Variants in PRKG1 observed in about 807,000 individuals in gnomAD.
The protein encoded by PRKG1 is protein kinase cGMP-dependent 1.
In PRKG1, 35 loss-of-function variants were observed where a neutral mutation model predicts 88.1. That is an observed-to-expected ratio of 0.40 (90% confidence interval 0.30 to 0.53). PRKG1 has a LOEUF of 0.53. Ranked by LOEUF, PRKG1 falls within the 20% of genes least tolerant of loss-of-function variation. The pLI is 0.59. For synonymous variants in PRKG1, 303 were observed against 292.5 expected (o/e 1.04, Z -0.37); for missense variants, 540 against 839.8 (o/e 0.64, Z 4.41).
rs547635323 is a variant in PRKG1, at chr10:52,258,507, A to G, written c.1173+6841A>G. The stretch of plus-strand genomic sequence containing the variant: ...ACATGAGACATGATCCACATTTTAC[A>G]GGAAAGAAGACAAGAATAATGTATA... On this transcript the variant is annotated intron_variant, in intron 10 of 17. Coordinates refer to ENST00000373980, the MANE Select transcript of PRKG1 (RefSeq NM_006258.4). Among the ~76,000 whole-genome samples, 23 of 151,924 alleles carry G rather than the reference A, an allele frequency of 1.5e-4. 1 individual carries two copies. The highest frequency in any genetic ancestry group is 5.5e-4 in the African/African-American group (23 of 41,522).
chr10:51,756,436 G>A (rs1186333987), intron 3 of PRKG1, among the ~76,000 whole-genome samples: 2 of 150,902 alleles, frequency 1.3e-5, no homozygotes, highest in Admixed American at 1.3e-4. Context: ...ATGGTGAGAC[G>A]AGGTTGTGCC....
chr10:51,645,860 G>T (rs1839903122), intron 3 of PRKG1, among the ~76,000 whole-genome samples: 1 of 152,182 alleles, frequency 6.6e-6, no homozygotes, highest in African/African-American at 2.4e-5. Context: ...GTTGAATCTG[G>T]ATATCCACAA....
chr10:51,217,255 A>T (rs545479855), intron 2 of PRKG1, among the ~76,000 whole-genome samples: 2 of 152,182 alleles, frequency 1.3e-5, no homozygotes, highest in Non-Finnish European at 1.5e-5. Context: ...CTGAGTTTAC[A>T]TGAGAGAAGG....
intron 4 of PRKG1, among the ~76,000 whole-genome samples, chr10:51,898,539 TA>T (rs899903047): frequency 5.9e-5 from 9 of 151,728 alleles, no homozygotes; most frequent in South Asian, 4.2e-4. Flanking sequence ...TTTCCAATAT[TA>T]AAAAAAAATT....
intron 9 of PRKG1, among the ~76,000 whole-genome samples, chr10:52,226,398 T>C (rs1461362347): frequency 2.6e-5 from 4 of 152,172 alleles, no homozygotes; most frequent in Admixed American, 2.6e-4. Context: ...AATCATAGTT[T>C]GTCCCTCACA....
intron 4 of PRKG1, among the ~76,000 whole-genome samples, chr10:51,821,457 C>G (rs1221533347): frequency 1.3e-5 from 2 of 151,910 alleles, no homozygotes; most frequent in African/African-American, 4.8e-5. Context: ...CTAATTTATG[C>G]TCCTAAAAAA....
chr10:51,903,545 A>T (rs1423814210), intron 4 of PRKG1, among the ~76,000 whole-genome samples: 1 of 152,168 alleles, frequency 6.6e-6, no homozygotes, highest in Non-Finnish European at 1.5e-5. Context: ...ATGGATTGAG[A>T]GTAGATAAAC....
At chr10:52,270,628 C>T (rs1297388695) in intron 10 of PRKG1, among the ~76,000 whole-genome samples, 1 of 149,208 alleles carries the variant, frequency 6.7e-6, no homozygotes. Context: ...GGACCAAAAA[C>T]CAAACACCGC....
intron 5 of PRKG1, among the ~76,000 whole-genome samples, chr10:52,045,595 C>T (rs1845845324): frequency 6.6e-6 from 1 of 151,958 alleles, no homozygotes. Context: ...TATTTGTGCC[C>T]AGCTGTTTGT....
At position 51,638,024 on chromosome 10, in the gene PRKG1, C is replaced by T. The variant is rs190987439; in HGVS notation, c.593-166561C>T. Among the ~76,000 whole-genome samples, 210 of 152,240 alleles carry T rather than the reference C, an allele frequency of 1.4e-3. 1 individual carries two copies. Among genetic ancestry groups the T allele is most frequent in the Middle Eastern group, 6.8e-3 (2 of 294 alleles). On this transcript the variant is annotated intron_variant, in intron 3 of 17. Coordinates refer to ENST00000373980, the MANE Select transcript of PRKG1 (RefSeq NM_006258.4). ...CAGTTGAGTGAGAAAGGAAACAAGA[C>T]GAGAGATCCCCAATTTGCCTAGATA...
At chr10:51,075,671 T>A (rs1319881117) in intron 1 of PRKG1, among the ~76,000 whole-genome samples, 1 of 152,250 alleles carries the variant, frequency 6.6e-6, no homozygotes, top group Non-Finnish European at 1.5e-5. Flanking sequence ...AGCACACTTA[T>A]CTTATTTAAA....
At chr10:51,669,104 A>G (rs1168713558) in intron 3 of PRKG1, among the ~76,000 whole-genome samples, 1 of 152,212 alleles carries the variant, frequency 6.6e-6, no homozygotes, top group East Asian at 1.9e-4. Context: ...CCTGCTGCCA[A>G]AGTTAAATGC....
At chr10:51,013,810 C>A (rs1843023152) in intron 1 of PRKG1, among the ~76,000 whole-genome samples, 1 of 152,134 alleles carries the variant, frequency 6.6e-6, no homozygotes, top group African/African-American at 2.4e-5. Context: ...TAAAGGATAA[C>A]CTTTTCTTTT....
chr10:51,772,788 T>C (rs1217968517), intron 3 of PRKG1, among the ~76,000 whole-genome samples: 1 of 152,126 alleles, frequency 6.6e-6, no homozygotes, highest in Non-Finnish European at 1.5e-5. Flanking sequence ...ATTAGAATAA[T>C]AATTATTTTG....
At chr10:51,726,773 A>G (rs1239321069) in intron 3 of PRKG1, among the ~76,000 whole-genome samples, 1 of 151,998 alleles carries the variant, frequency 6.6e-6, no homozygotes, top group African/African-American at 2.4e-5. Flanking sequence ...AGTCTGACAT[A>G]TTTTGTTTGT....
intron 9 of PRKG1, among the ~76,000 whole-genome samples, chr10:52,248,648 C>T (rs1003111269): frequency 3.3e-5 from 5 of 151,918 alleles, no homozygotes; most frequent in African/African-American, 1.2e-4. Context: ...TGGTACTTCC[C>T]GTATATAGGG....
intron 2 of PRKG1, among the ~76,000 whole-genome samples, chr10:51,281,035 G>C (rs9702382): frequency 0.08 from 12,248 of 152,176 alleles, 560 homozygotes; most frequent in East Asian, 0.18. Context: ...GTACAGATGG[G>C]GTTTTGGTGT....
Position 51,329,930 on chromosome 10 carries a change from C to CTT in PRKG1, c.479-137779_479-137778dup, listed in dbSNP as rs201514807. ...TGATTGTACTATGTCTTAGGGAAAT[C>CTT]TTTTTTTTTTTTTTTGGATTAGATA... On this transcript the variant is annotated intron_variant, in intron 2 of 17. Transcript: ENST00000373980. Among the ~76,000 whole-genome samples the CTT allele has an allele frequency of 4.1e-3, 539 of 132,040 alleles. 11 individuals carry two copies. The East Asian group carries it at 0.053, about 13-fold the overall frequency. 86.6% of individuals were successfully genotyped at this position (132,040 alleles called of 152,430 possible).
At chr10:51,162,759 C>T (rs1436449153) in intron 2 of PRKG1, among the ~76,000 whole-genome samples, 2 of 152,068 alleles carry the variant, frequency 1.3e-5, no homozygotes, top group African/African-American at 4.8e-5. Context: ...CTCACTCTTT[C>T]CCATGCTGGA....
Sources: gnomAD v4.1 joint callset for allele counts (sites outside exome capture counted in the v4.1 genomes callset) on GRCh38, gnomAD v4.1.1 for gene constraint, MANE v1.5 for transcripts, NCBI Gene and HGNC (gene_info 2026-07-23, HGNC 2026-07-21) for gene names.